LZTFL1: variants seen among roughly 807,000 people sequenced by gnomAD.
The protein encoded by LZTFL1 is leucine zipper transcription factor like 1, also known as leucine zipper transcription factor-like protein 1.
LZTFL1 carries 25 observed loss-of-function variants against 45.9 expected under a neutral mutation model. The ratio of observed to expected loss-of-function variants is 0.54; its 90% CI spans 0.40 to 0.76. LZTFL1 has a LOEUF of 0.76. LZTFL1 is among the 30% of genes least tolerant of loss of function. The pLI is 0.00. For missense variants in LZTFL1, 277 were observed against 331.1 expected (o/e 0.84, Z 1.27); for synonymous variants, 93 against 117.4 (o/e 0.79, Z 1.35).
intron 4 of LZTFL1, among the ~76,000 whole-genome samples, chr3:45,847,293 G>A (rs1701233021): frequency 6.6e-6 from 1 of 152,152 alleles, no homozygotes; most frequent in Non-Finnish European, 1.5e-5. Flanking sequence ...TGGCTTTCAT[G>A]GCTTTTCCTG....
At chr3:45,893,435 G>A (rs6775854) in intron 2 of LZTFL1, among the ~76,000 whole-genome samples, 17,991 of 152,046 alleles carry the variant, frequency 0.12, 3,162 homozygotes, top group African/African-American at 0.38. Context: ...GATTATAGGC[G>A]TAAGCCACCA....
chr3:45,824,617 T>C lies in LZTFL1; in HGVS notation c.*1697A>G. The C allele has an allele frequency of 2.6e-6, 1 of 390,800 alleles. No individual in the cohort carries two copies. The highest frequency in any genetic ancestry group is 2.1e-5 in the African/African-American group (1 of 48,596). The allele number at this position is 390,800 out of a possible 1,614,324, so 24.2% of individuals were successfully genotyped here. A position where few individuals can be genotyped will look rare whatever the true frequency, so the allele number is the denominator to read the frequency against. On this transcript the variant is annotated 3_prime_UTR_variant, in exon 10 of 10. Transcript: ENST00000296135. The stretch of plus-strand genomic sequence containing the variant: ...AATTCTACCTAGCAATATAGGTTTC[T>C]TATCAACATACCTTTTTTCCTCACT...
intron 8 of LZTFL1, 24 bp from the exon 9 acceptor site, chr3:45,827,483 C>A (rs200836145): frequency 1.4e-6 from 2 of 1,433,372 alleles, no homozygotes. Flanking sequence ...AATGTCAGCC[C>A]ATTACTAAAA....
intron 2 of LZTFL1, chr3:45,883,710 G>T: frequency 1.7e-6 from 1 of 572,394 alleles, no homozygotes; most frequent in Non-Finnish European, 3.3e-6. Context: ...CCCAGAAAAG[G>T]CTAAAGCTGA....
intron 2 of LZTFL1, among the ~76,000 whole-genome samples, chr3:45,836,025 C>T (rs943615059): frequency 2.0e-5 from 3 of 152,098 alleles, no homozygotes; most frequent in Non-Finnish European, 4.4e-5. Flanking sequence ...AATGCTCAAA[C>T]ACATTCCCAA....
chr3:45,888,554 G>A (rs575273382), intron 2 of LZTFL1, among the ~76,000 whole-genome samples: 3 of 152,322 alleles, frequency 2.0e-5, no homozygotes, highest in Middle Eastern at 3.4e-3. Flanking sequence ...TCGATGGATG[G>A]CCCATGGCAC....
chr3:45,851,754 G>A (rs767779899), intron 4 of LZTFL1, among the ~76,000 whole-genome samples: 6 of 151,992 alleles, frequency 3.9e-5, no homozygotes, highest in East Asian at 1.9e-4. Context: ...AGGCTGACGC[G>A]GGAGGATGGC....
At chr3:45,886,864 C>T (rs1421771166) in intron 2 of LZTFL1, among the ~76,000 whole-genome samples, 1 of 152,036 alleles carries the variant, frequency 6.6e-6, no homozygotes, top group East Asian at 1.9e-4. Context: ...AATAAAACTC[C>T]CTCCCCCTTC....
At chr3:45,915,023 G>T (rs745668544) in intron 1 of LZTFL1, among the ~76,000 whole-genome samples, 26 of 152,156 alleles carry the variant, frequency 1.7e-4, no homozygotes, top group South Asian at 1.0e-3. Context: ...GTTTGTGAAA[G>T]CTTGCAGGGC....
intron 1 of LZTFL1, 157 bp downstream of exon 1, chr3:45,841,830 ATC>A: frequency 1.1e-6 from 1 of 950,892 alleles, no homozygotes; most frequent in South Asian, 1.5e-5. Context: ...GGTTAACCGA[ATC>A]TCTCGCGCCC....
chr3:45,833,279 T>C (rs1388554472), intron 4 of LZTFL1, among the ~76,000 whole-genome samples, 158 bp from the exon 5 acceptor site: 1 of 152,226 alleles, frequency 6.6e-6, no homozygotes, highest in African/African-American at 2.4e-5. Flanking sequence ...TTTCATCCTT[T>C]GTTACTCCCA....
intron 2 of LZTFL1, among the ~76,000 whole-genome samples, chr3:45,869,751 T>C (rs1354265060): frequency 6.6e-6 from 1 of 152,082 alleles, no homozygotes; most frequent in Non-Finnish European, 1.5e-5. Context: ...CTTATTGAAA[T>C]AAAAAGAAAT....
intron 2 of LZTFL1, among the ~76,000 whole-genome samples, chr3:45,906,877 C>T (rs920532293): frequency 1.3e-5 from 2 of 152,200 alleles, no homozygotes; most frequent in Non-Finnish European, 2.9e-5. Context: ...GCCCCATTCC[C>T]CTGCCTCTCC....
chr3:45,873,489 C>T (rs1701702161), intron 2 of LZTFL1, among the ~76,000 whole-genome samples: 1 of 152,156 alleles, frequency 6.6e-6, no homozygotes, highest in Admixed American at 6.5e-5. Context: ...TTAATAAACA[C>T]TGCTATAGTA....
rs1235889741 is a variant in LZTFL1, at chr3:45,901,247, A to T, written c.-215+11873T>A. ...ACATTGCCATTGCCCAGGCCATGAG[A>T]GCACATACTTGGAGGGAGAAAAGGC... On this transcript the variant is annotated intron_variant, in intron 2 of 4. Transcript: ENST00000472635. This position sits in a 1 kb window ranked among gnomAD's most constrained non-coding sequence, Gnocchi z 4.3. 1 of 1,614,064 alleles carries T rather than the reference A, an allele frequency of 6.2e-7. No individual in the cohort carries two copies. The highest frequency in any genetic ancestry group is 2.2e-5 in the East Asian group (1 of 44,896).
intron 2 of LZTFL1, among the ~76,000 whole-genome samples, chr3:45,888,934 T>C (rs908212373): frequency 6.6e-6 from 1 of 152,238 alleles, no homozygotes; most frequent in South Asian, 2.1e-4. Context: ...TTTTATAAAC[T>C]GTAATATATT....
At position 45,827,516 on chromosome 3, in the gene LZTFL1, C is replaced by G. The variant is rs1700700185; in HGVS notation, c.778-57G>C. 27 of 1,021,498 alleles carry G rather than the reference C, an allele frequency of 2.6e-5. 1 individual carries two copies. In the Middle Eastern group the frequency reaches 6.3e-4, roughly 24 times the overall value. 63.3% of individuals were successfully genotyped at this position (1,021,498 alleles called of 1,614,324 possible). On this transcript the variant is annotated intron_variant, in intron 8 of 9. Transcript: ENST00000296135. ...AAAAAATAGTTAAGGAAAGAGATAACAAATGCGATAAAAATATGTAGTTTT... is the reference window on the plus strand; with the variant it reads ...AAAAAATAGTTAAGGAAAGAGATAAGAAATGCGATAAAAATATGTAGTTTT...
At chr3:45,891,368 A>T (rs1206018024) in intron 2 of LZTFL1, among the ~76,000 whole-genome samples, 2 of 152,214 alleles carry the variant, frequency 1.3e-5, no homozygotes, top group East Asian at 1.9e-4. Context: ...TTGTGTAAAG[A>T]ATGCTTATAA....
chr3:45,844,915 A>C (rs940692288), upstream of LZTFL1, among the ~76,000 whole-genome samples: 3 of 152,346 alleles, frequency 2.0e-5, no homozygotes, highest in African/African-American at 7.2e-5. Flanking sequence ...ACTCCCTCTA[A>C]GAATGTGTGG....
Sources: allele counts gnomAD v4.1 joint callset (sites outside exome capture counted in the v4.1 genomes callset), GRCh38; gene constraint gnomAD v4.1.1; non-coding constraint Gnocchi (gnomAD v3.1); transcripts MANE v1.5; gene names NCBI Gene and HGNC (gene_info 2026-07-23, HGNC 2026-07-21).